The following ABCC4 variants were observed in gnomAD, a reference collection of about 807,000 sequenced individuals.
The protein encoded by ABCC4 is ATP-binding cassette sub-family C member 4.
In ABCC4, 102 loss-of-function variants were observed where a neutral mutation model predicts 168.5. That is an observed-to-expected ratio of 0.61 (90% confidence interval 0.52 to 0.71). The LOEUF (loss-of-function observed/expected upper bound fraction) is 0.71. ABCC4 is among the 30% of genes least tolerant of loss of function. ABCC4 has a pLI of 0.00. For missense variants in ABCC4, 1,402 were observed against 1,605.8 expected, an observed-to-expected ratio of 0.87 and a Z score of 2.17; for synonymous variants, 617 against 590.7, an observed-to-expected ratio of 1.04 and a Z score of -0.65.
rs761645394 is a variant in ABCC4 at position 95,247,717 on chromosome 13, C to G, written c.111G>C (p.Arg37=). Residue 37 remains arginine, a synonymous_variant, in exon 2 of 31, where the codon CGG becomes CGC. Transcript: ENST00000645237. ...LNPLFKIGHK[R]RLEEDDMYSV... Reference sequence around the variant, plus strand: ...AATACATATCATCTTCCTCTAATCTCCGTTTATGGCCAATTTTAAACAAGG... The same window carrying G: ...AATACATATCATCTTCCTCTAATCTGCGTTTATGGCCAATTTTAAACAAGG... The G allele has an allele frequency of 5.6e-6, 9 of 1,613,930 alleles. No individual in the cohort carries two copies. The highest frequency in any genetic ancestry group is 1.7e-6 in the Non-Finnish European group (2 of 1,179,994).
At chr13:95,221,762 G>GA (rs1043472139) in intron 4 of ABCC4, among the ~76,000 whole-genome samples, 90 of 150,652 alleles carry the variant, frequency 6.0e-4, no homozygotes, top group Admixed American at 1.8e-3. Context: ...GGAAAAAACA[G>GA]AAAAAAAACT....
At chr13:95,192,101 C>G (rs2038272586) in intron 9 of ABCC4, among the ~76,000 whole-genome samples, 2 of 152,246 alleles carry the variant, frequency 1.3e-5, no homozygotes, top group South Asian at 4.1e-4. Context: ...GAGTCACAGG[C>G]TCTCACGGGG....
intron 20 of ABCC4, among the ~76,000 whole-genome samples, chr13:95,085,395 G>T (rs2034224260): frequency 6.6e-6 from 1 of 152,110 alleles, no homozygotes; most frequent in Admixed American, 6.5e-5. Context: ...ATCCGAGATG[G>T]TGCCACTGCA....
chr13:95,277,498 C>T (rs1321704990), intron 1 of ABCC4, among the ~76,000 whole-genome samples: 1 of 151,618 alleles, frequency 6.6e-6, no homozygotes, highest in Non-Finnish European at 1.5e-5. Context: ...GGAGGATCGC[C>T]TGAACCCAGG....
At chr13:95,169,759 T>C (rs1169218830) in intron 14 of ABCC4, among the ~76,000 whole-genome samples, 1 of 152,240 alleles carries the variant, frequency 6.6e-6, no homozygotes, top group Non-Finnish European at 1.5e-5. Context: ...CAAAAATTCC[T>C]GTGCAGTGAC....
chr13:95,300,723 A>C (rs2041653257), intron 1 of ABCC4, among the ~76,000 whole-genome samples: 1 of 152,196 alleles, frequency 6.6e-6, no homozygotes, highest in Non-Finnish European at 1.5e-5. Flanking sequence ...GCATAGGTCC[A>C]GGACACTAAT....
chr13:95,076,056 C>T (rs984324890), intron 21 of ABCC4, among the ~76,000 whole-genome samples: 12 of 152,176 alleles, frequency 7.9e-5, no homozygotes, highest in Non-Finnish European at 1.6e-4. Context: ...TGGATGGTAC[C>T]TGGCACAGGA....
intron 30 of ABCC4, among the ~76,000 whole-genome samples, chr13:95,029,280 C>T (rs575570252): frequency 0.042 from 3,122 of 75,058 alleles, 167 homozygotes; most frequent in African/African-American, 0.14. Context: ...AGAGAGAGAA[C>T]GCTAATAAAA....
chr13:95,041,080 G>A (rs373465727), intron 29 of ABCC4, among the ~76,000 whole-genome samples: 2 of 152,168 alleles, frequency 1.3e-5, no homozygotes, highest in African/African-American at 4.8e-5. Flanking sequence ...AAAACTACAG[G>A]GAGGAAGCTG....
chr13:95,112,314 T>C (rs556851607), intron 20 of ABCC4, among the ~76,000 whole-genome samples: 4 of 150,860 alleles, frequency 2.7e-5, no homozygotes, highest in South Asian at 2.1e-4. Context: ...GATCGCACCA[T>C]TGCACTCCAG....
At chr13:95,037,533 G>C (rs767242131) in intron 29 of ABCC4, among the ~76,000 whole-genome samples, 2 of 152,208 alleles carry the variant, frequency 1.3e-5, no homozygotes, top group African/African-American at 2.4e-5. Flanking sequence ...CTTAGCCTAG[G>C]CTGCACAAAT....
intron 19 of ABCC4, among the ~76,000 whole-genome samples, chr13:95,135,527 C>T: frequency 6.6e-6 from 1 of 151,984 alleles, no homozygotes; most frequent in East Asian, 1.9e-4. Flanking sequence ...ATCCTCCCAC[C>T]TCAGCCTCCC....
chr13:95,089,532 C>A, intron 20 of ABCC4, among the ~76,000 whole-genome samples: 1 of 152,166 alleles, frequency 6.6e-6, no homozygotes, highest in Non-Finnish European at 1.5e-5. Flanking sequence ...GCAGGAGAAA[C>A]ACTTGCAACC....
At chr13:95,141,020 T>C (rs571726332) in intron 19 of ABCC4, among the ~76,000 whole-genome samples, 1 of 152,308 alleles carries the variant, frequency 6.6e-6, no homozygotes, top group East Asian at 1.9e-4. Context: ...TGGAGGCTCA[T>C]AATGAAATAA....
chr13:95,115,930 A>G lies in ABCC4; in HGVS notation c.2527T>C (p.Phe843Leu). The G allele has an allele frequency of 1.2e-6, 2 of 1,611,792 alleles. No individual in the cohort carries two copies. Among genetic ancestry groups the G allele is most frequent in the Non-Finnish European group, 1.7e-6 (2 of 1,179,184 alleles). Reference protein sequence around the residue: ...DDLLPLTFLDFIQTLLQVVGV... With the variant: ...DDLLPLTFLDLIQTLLQVVGV... The stretch of plus-strand genomic sequence containing the variant: ...ATTACTCTCAACGTTACCTGGATGA[A>G]ATCTAAAAACGTCAGCGGCAGCAAA... Residue 843 changes from phenylalanine to leucine, a missense_variant, in exon 20 of 31, where the codon TTC becomes CTC. Phe to Leu is a conservative substitution (Grantham distance 22, BLOSUM62 0). This residue lies in a region of ABCC4 where 1,007 missense variants were observed against 1,127.3 expected (regional missense o/e 0.89). Coordinates refer to ENST00000645237, the MANE Select transcript of ABCC4 (RefSeq NM_005845.5).
chr13:95,036,205 AC>A (rs2139226069), intron 29 of ABCC4, among the ~76,000 whole-genome samples: 1 of 152,364 alleles, frequency 6.6e-6, no homozygotes, highest in Non-Finnish European at 1.5e-5. Flanking sequence ...AATGCTAAAG[AC>A]TAAGTAAATA....
At chr13:95,055,167 C>T (rs1021798957) in intron 26 of ABCC4, among the ~76,000 whole-genome samples, 2 of 152,158 alleles carry the variant, frequency 1.3e-5, no homozygotes, top group African/African-American at 4.8e-5. Context: ...ACCTGAACAA[C>T]CATCTAAACA....
rs983678012 is a variant in ABCC4 at position 95,161,117 on chromosome 13, T to C, written c.2455+72A>G. 1.9e-5 allele frequency: 22 copies of C among 1,186,656 alleles called. 1 individual carries two copies. The East Asian group carries it at 5.5e-4, about 30-fold the overall frequency. 73.5% of individuals were successfully genotyped at this position (1,186,656 alleles called of 1,614,324 possible). ...CCAGCATCCCTTCCATTTTCAAAGATGGAAATGTAATCAGATCCTAAATGT... is the reference window on the plus strand; with the variant it reads ...CCAGCATCCCTTCCATTTTCAAAGACGGAAATGTAATCAGATCCTAAATGT... On this transcript the variant is annotated intron_variant, in intron 19 of 30. Transcript: ENST00000645237.
intron 20 of ABCC4, among the ~76,000 whole-genome samples, chr13:95,103,694 C>T (rs2034895103): frequency 6.6e-6 from 1 of 152,186 alleles, no homozygotes; most frequent in Admixed American, 6.5e-5. Context: ...AGTATCCTTT[C>T]TTGTTTTCCT....
Sources: gnomAD v4.1 joint callset for allele counts (sites outside exome capture counted in the v4.1 genomes callset) on GRCh38, gnomAD v4.1.1 for gene constraint, gnomAD v4.1.1 regional missense constraint, MANE v1.5 for transcripts, NCBI Gene and HGNC (gene_info 2026-07-23, HGNC 2026-07-21) for gene names.